ARHGEF11: variants seen among roughly 807,000 people sequenced by gnomAD.
The protein encoded by ARHGEF11 is Rho guanine exchange factor (GEF) 11.
ARHGEF11 carries 55 observed loss-of-function variants against 193.7 expected under a neutral mutation model. The ratio of observed to expected loss-of-function variants is 0.28; its 90% CI spans 0.23 to 0.36. ARHGEF11 has a LOEUF of 0.36. Among genes scored for constraint, ARHGEF11 ranks in the 10% least tolerant of loss-of-function variants. The pLI is 1.00. For synonymous variants in ARHGEF11, 693 were observed against 768.0 expected (o/e 0.90, Z 1.62); for missense variants, 1,723 against 2,005.6 (o/e 0.86, Z 2.69).
chr1:156,983,575 A>T (rs1355417391), intron 3 of ARHGEF11, among the ~76,000 whole-genome samples: 3 of 152,170 alleles, frequency 2.0e-5, no homozygotes, highest in African/African-American at 7.2e-5. Flanking sequence ...CAGTGGTTCC[A>T]CTACCTGGCA....
intron 14 of ARHGEF11, among the ~76,000 whole-genome samples, chr1:156,960,673 C>A (rs1031374185): frequency 6.6e-6 from 1 of 152,216 alleles, no homozygotes; most frequent in African/African-American, 2.4e-5. Context: ...CAAGCTGGTA[C>A]TATATTCTGA....
chr1:156,966,332 T>C (rs1342039694), intron 11 of ARHGEF11, among the ~76,000 whole-genome samples: 1 of 152,224 alleles, frequency 6.6e-6, no homozygotes, highest in Non-Finnish European at 1.5e-5. Context: ...TTCTAATAAA[T>C]ATGCTTTCAC....
chr1:156,995,524 G>A (rs1403175865), intron 1 of ARHGEF11, among the ~76,000 whole-genome samples: 1 of 151,388 alleles, frequency 6.6e-6, no homozygotes, highest in African/African-American at 2.4e-5. Context: ...TAACTCAATA[G>A]TAACTACACT....
intron 1 of ARHGEF11, among the ~76,000 whole-genome samples, chr1:156,987,855 G>A (rs948936068): frequency 5.3e-5 from 8 of 152,132 alleles, no homozygotes; most frequent in Non-Finnish European, 1.0e-4. Context: ...ACATAAACCA[G>A]ACAAGACACT....
rs1665088611 is a variant in ARHGEF11, at chr1:156,987,436, TAAAGG to T, written c.33-1268_33-1264del. On this transcript the variant is annotated intron_variant, in intron 1 of 40. Transcript: ENST00000368194. The stretch of plus-strand genomic sequence containing the variant: ...TATTTGGACAGTTTAAAAAAGTGAG[TAAAGG>T]AGAGAATAAAATTATGTGTTTATAT... Among the ~76,000 whole-genome samples, 3 of 152,202 alleles carry T rather than the reference TAAAGG, an allele frequency of 2.0e-5. No homozygotes were observed. In the South Asian group the frequency reaches 6.2e-4, roughly 32 times the overall value.
intron 1 of ARHGEF11, among the ~76,000 whole-genome samples, chr1:157,004,444 G>T (rs923447704): frequency 6.6e-6 from 1 of 152,106 alleles, no homozygotes; most frequent in Non-Finnish European, 1.5e-5. Flanking sequence ...CACAATTACA[G>T]GCAAGCTCAA....
chr1:156,966,848 T>G (rs969208035), intron 11 of ARHGEF11, among the ~76,000 whole-genome samples: 2 of 152,230 alleles, frequency 1.3e-5, no homozygotes, highest in Non-Finnish European at 2.9e-5. Context: ...TTCGGGTTGT[T>G]TTAAATTTTA....
intron 1 of ARHGEF11, among the ~76,000 whole-genome samples, chr1:156,993,154 T>C (rs1327478720): frequency 6.6e-6 from 1 of 152,212 alleles, no homozygotes; most frequent in Non-Finnish European, 1.5e-5. Flanking sequence ...TTTTCCAGTG[T>C]GTGAACAGAG....
At chr1:156,943,835 G>C (rs1657578661) in intron 32 of ARHGEF11, 100 bp downstream of exon 32, 1 of 1,406,774 alleles carries the variant, frequency 7.1e-7, no homozygotes, top group Non-Finnish European at 9.6e-7. Flanking sequence ...CAGGTGGACA[G>C]GTAGGTCCTG....
intron 1 of ARHGEF11, among the ~76,000 whole-genome samples, chr1:157,009,380 T>C (rs999392294): frequency 2.6e-5 from 4 of 152,344 alleles, no homozygotes; most frequent in Middle Eastern, 3.4e-3. Context: ...GCAGGCATGG[T>C]TCTTGTCCTT....
intron 1 of ARHGEF11, among the ~76,000 whole-genome samples, chr1:157,027,849 C>T (rs977647585): frequency 9.2e-5 from 14 of 152,304 alleles, no homozygotes; most frequent in Middle Eastern, 3.4e-3. Flanking sequence ...GAGCCTTCAT[C>T]TTCCTTTTAA....
intron 1 of ARHGEF11, among the ~76,000 whole-genome samples, chr1:157,013,405 G>A (rs1307893704): frequency 1.3e-5 from 2 of 151,834 alleles, no homozygotes; most frequent in African/African-American, 2.4e-5. Context: ...CTCCTTGGAT[G>A]CCTGGCAAAA....
At chr1:157,007,915 T>C in intron 1 of ARHGEF11, among the ~76,000 whole-genome samples, 1 of 33,846 alleles carries the variant, frequency 3.0e-5, no homozygotes, top group South Asian at 1.0e-3. Context: ...TTTTTTTTGT[T>C]TTTTTTTTTT....
intron 3 of ARHGEF11, among the ~76,000 whole-genome samples, chr1:156,983,981 T>C (rs1207740712): frequency 6.6e-6 from 1 of 152,238 alleles, no homozygotes; most frequent in African/African-American, 2.4e-5. Flanking sequence ...TCTGTGCACT[T>C]AGCCAGGTAA....
chr1:157,008,839 G>C (rs998672899), intron 1 of ARHGEF11, among the ~76,000 whole-genome samples: 8 of 152,224 alleles, frequency 5.3e-5, no homozygotes, highest in African/African-American at 1.9e-4. Flanking sequence ...CTTACTCTAA[G>C]CTGGGAGCCA....
chr1:157,019,379 G>A (rs920954826), intron 1 of ARHGEF11, among the ~76,000 whole-genome samples: 1 of 152,164 alleles, frequency 6.6e-6, no homozygotes, highest in African/African-American at 2.4e-5. Flanking sequence ...TAAAAAGACT[G>A]AACTTACCAA....
chr1:157,015,517 C>T (rs776909654), intron 1 of ARHGEF11, among the ~76,000 whole-genome samples: 3 of 152,244 alleles, frequency 2.0e-5, no homozygotes, highest in East Asian at 1.9e-4. Flanking sequence ...CAGGGCACAT[C>T]GCCATCACTG....
At chr1:157,000,855 G>C (rs957810409) in intron 1 of ARHGEF11, among the ~76,000 whole-genome samples, 1 of 152,144 alleles carries the variant, frequency 6.6e-6, no homozygotes, top group Non-Finnish European at 1.5e-5. Context: ...TGTAATGGGG[G>C]GCAGAAGTGG....
intron 1 of ARHGEF11, among the ~76,000 whole-genome samples, chr1:157,043,175 G>A (rs971535035): frequency 2.0e-5 from 3 of 152,160 alleles, no homozygotes; most frequent in African/African-American, 4.8e-5. Context: ...ATGGATAACC[G>A]AAGGTGGACT....
Sources: gnomAD v4.1 joint callset for allele counts (sites outside exome capture counted in the v4.1 genomes callset) on GRCh38, gnomAD v4.1.1 for gene constraint, MANE v1.5 for transcripts, NCBI Gene and HGNC (gene_info 2026-07-23, HGNC 2026-07-21) for gene names.